Variants in NLGN1 observed in about 807,000 individuals in gnomAD.
NLGN1 encodes neuroligin 1.
In NLGN1, 12 loss-of-function variants were observed where a neutral mutation model predicts 65.5. That is an observed-to-expected ratio of 0.18 (90% confidence interval 0.12 to 0.30). NLGN1 has a LOEUF of 0.30. NLGN1 is among the 10% of genes least tolerant of loss of function. The pLI, the probability that NLGN1 is intolerant of heterozygous loss-of-function variation, is 1.00. For missense variants in NLGN1, 750 were observed against 1,007.1 expected, an observed-to-expected ratio of 0.74 and a Z score of 3.46; for synonymous variants, 350 against 359.5, an observed-to-expected ratio of 0.97 and a Z score of 0.30.
At chr3:174,021,014 TG>T (rs937950044) in intron 4 of NLGN1, among the ~76,000 whole-genome samples, 4 of 152,042 alleles carry the variant, frequency 2.6e-5, no homozygotes, top group African/African-American at 9.7e-5. Flanking sequence ...TAAATAACTG[TG>T]CCACTGAGTA....
intron 4 of NLGN1, among the ~76,000 whole-genome samples, chr3:173,977,684 T>C (rs1717820085): frequency 6.6e-6 from 1 of 150,494 alleles, no homozygotes; most frequent in Admixed American, 6.6e-5. Flanking sequence ...TCTGGGAGAG[T>C]GAGGGAAGGA....
At chr3:173,600,259 C>T (rs1389600307) in intron 2 of NLGN1, among the ~76,000 whole-genome samples, 4 of 151,236 alleles carry the variant, frequency 2.6e-5, no homozygotes, top group African/African-American at 9.7e-5. Context: ...GGTCTGTGTT[C>T]CCTAATTTAG....
At chr3:173,828,529 A>G (rs772205155) in intron 4 of NLGN1, among the ~76,000 whole-genome samples, 1 of 152,118 alleles carries the variant, frequency 6.6e-6, no homozygotes, top group African/African-American at 2.4e-5. Flanking sequence ...ACAAGATACA[A>G]TCTCTTTTAC....
chr3:174,256,545 A>C (rs191156377), intron 4 of NLGN1, among the ~76,000 whole-genome samples: 4 of 151,936 alleles, frequency 2.6e-5, no homozygotes, highest in East Asian at 1.9e-4. Context: ...TGGTGTGTGC[A>C]TGTGTGTTTG....
intron 3 of NLGN1, among the ~76,000 whole-genome samples, chr3:173,684,261 C>G (rs1764376682): frequency 6.6e-6 from 1 of 152,016 alleles, no homozygotes; most frequent in Non-Finnish European, 1.5e-5. Context: ...AAAGATATGA[C>G]TTGATTTTTA....
At chr3:173,531,034 T>C (rs896290153) in intron 2 of NLGN1, among the ~76,000 whole-genome samples, 1 of 152,164 alleles carries the variant, frequency 6.6e-6, no homozygotes, top group Non-Finnish European at 1.5e-5. Context: ...TGCTAGTGTT[T>C]GACCTACTCT....
chr3:173,466,563 G>A (rs551958756), intron 2 of NLGN1, among the ~76,000 whole-genome samples: 2 of 152,210 alleles, frequency 1.3e-5, no homozygotes, highest in Admixed American at 1.3e-4. Flanking sequence ...GTATTAACAT[G>A]CTTCTACCTT....
intron 4 of NLGN1, among the ~76,000 whole-genome samples, chr3:174,269,779 G>A (rs1748991563): frequency 6.6e-6 from 1 of 151,794 alleles, no homozygotes; most frequent in South Asian, 2.1e-4. Flanking sequence ...TTTTTGATAA[G>A]GGTTACATGT....
chr3:173,922,942 G>C (rs1742319588), intron 4 of NLGN1, among the ~76,000 whole-genome samples: 1 of 152,048 alleles, frequency 6.6e-6, no homozygotes, highest in Non-Finnish European at 1.5e-5. Flanking sequence ...CCTGTTCTGA[G>C]ATTTGAATAA....
intron 4 of NLGN1, among the ~76,000 whole-genome samples, chr3:174,234,947 A>G (rs1447585376): frequency 9.0e-6 from 1 of 110,638 alleles, no homozygotes; most frequent in Non-Finnish European, 1.8e-5. Flanking sequence ...TTTTATATAT[A>G]TATCATCCTT....
intron 4 of NLGN1, among the ~76,000 whole-genome samples, chr3:174,050,324 A>G (rs1734536480): frequency 6.6e-6 from 1 of 152,084 alleles, no homozygotes. Context: ...CTTTAGGATC[A>G]TGTTTTTACT....
chr3:173,958,836 G>T (rs974013849), intron 4 of NLGN1, among the ~76,000 whole-genome samples: 20 of 152,154 alleles, frequency 1.3e-4, no homozygotes, highest in African/African-American at 4.3e-4. Context: ...GCACCCCCTT[G>T]GCCTCTCTCC....
At chr3:174,287,224 T>C (rs201009570), downstream of NLGN1, among the ~76,000 whole-genome samples, 6 of 151,582 alleles carry the variant, frequency 4.0e-5, no homozygotes, top group East Asian at 9.8e-4. Context: ...TCAATAATGA[T>C]ATTGGTAGGA....
chr3:173,974,776 GT>G (rs1284022676), intron 4 of NLGN1, among the ~76,000 whole-genome samples: 1 of 151,978 alleles, frequency 6.6e-6, no homozygotes, highest in Non-Finnish European at 1.5e-5. Context: ...CCTATTTTCT[GT>G]TTTGTCAGTC....
intron 3 of NLGN1, among the ~76,000 whole-genome samples, chr3:173,680,801 G>A (rs1403925392): frequency 1.3e-5 from 2 of 152,134 alleles, no homozygotes; most frequent in African/African-American, 4.8e-5. Context: ...ATATTTATTT[G>A]TTTCAGTTCT....
intron 1 of NLGN1, among the ~76,000 whole-genome samples, chr3:173,417,620 G>T (rs913633336): frequency 7.2e-6 from 1 of 139,002 alleles, no homozygotes; most frequent in Non-Finnish European, 1.6e-5. Flanking sequence ...ACACCACACA[G>T]AAATGCAATA....
intron 4 of NLGN1, among the ~76,000 whole-genome samples, chr3:174,027,459 A>G (rs537728386): frequency 6.6e-6 from 1 of 152,194 alleles, no homozygotes; most frequent in Non-Finnish European, 1.5e-5. Context: ...CTATACATAA[A>G]TACACAGGTC....
chr3:173,539,703 T>TATATACATATATGTACATATGCACAC (rs1738309294), intron 2 of NLGN1, among the ~76,000 whole-genome samples: 3 of 136,868 alleles, frequency 2.2e-5, no homozygotes, highest in African/African-American at 8.2e-5. Context: ...CATATGCACA[T>TATATACATATATGTACATATGCACAC]ATATACATAT....
chr3:174,143,639 G>T (rs1013698017), intron 4 of NLGN1, among the ~76,000 whole-genome samples: 1 of 152,024 alleles, frequency 6.6e-6, no homozygotes, highest in Non-Finnish European at 1.5e-5. Flanking sequence ...TGGTGGGGGG[G>T]TATACAGCAT....
Sources: allele counts gnomAD v4.1 joint callset (sites outside exome capture counted in the v4.1 genomes callset), GRCh38; gene constraint gnomAD v4.1.1; transcripts MANE v1.5; gene names NCBI Gene and HGNC (gene_info 2026-07-23, HGNC 2026-07-21).